Variants in GRID1 observed in about 807,000 individuals in gnomAD.
The protein encoded by GRID1 is glutamate receptor ionotropic, delta-1.
GRID1 carries 28 observed loss-of-function variants against 98.0 expected under a neutral mutation model. The ratio of observed to expected loss-of-function variants is 0.29; its 90% CI spans 0.21 to 0.39. The LOEUF (loss-of-function observed/expected upper bound fraction) is 0.39, where lower values mean the gene tolerates loss of function less well. Ranked by LOEUF, GRID1 falls within the 10% of genes least tolerant of loss-of-function variation. The probability of loss-of-function intolerance (pLI) is 1.00; values close to 1 mark genes in which losing one functional copy is unlikely to be tolerated. For synonymous variants in GRID1, 553 were observed against 538.5 expected, an observed-to-expected ratio of 1.03 and a Z score of -0.37; for missense variants, 1,111 against 1,340.5, an observed-to-expected ratio of 0.83 and a Z score of 2.67.
At chr10:86,215,204 C>A (rs1168566810) in intron 2 of GRID1, among the ~76,000 whole-genome samples, 2 of 152,276 alleles carry the variant, frequency 1.3e-5, no homozygotes, top group African/African-American at 4.8e-5. Context: ...TCTCTGGCCT[C>A]AAGCTCAGCC....
chr10:85,763,312 C>T (rs569878180), intron 8 of GRID1, among the ~76,000 whole-genome samples: 21 of 152,228 alleles, frequency 1.4e-4, no homozygotes, highest in Admixed American at 2.6e-4. Flanking sequence ...TTTTCTCTTA[C>T]GAGGAAGAGC....
chr10:85,845,170 T>C (rs1391836669), intron 8 of GRID1, among the ~76,000 whole-genome samples: 5 of 152,018 alleles, frequency 3.3e-5, no homozygotes, highest in Admixed American at 2.0e-4. Flanking sequence ...ATAGATGACA[T>C]GATTGTGTAT....
intron 8 of GRID1, among the ~76,000 whole-genome samples, chr10:85,734,193 G>C (rs528994286): frequency 6.6e-6 from 1 of 152,194 alleles, no homozygotes; most frequent in African/African-American, 2.4e-5. Context: ...GGCCAGCACA[G>C]CATCTCATAT....
intron 2 of GRID1, among the ~76,000 whole-genome samples, chr10:86,342,783 C>T (rs758234106): frequency 6.6e-6 from 1 of 152,258 alleles, no homozygotes; most frequent in African/African-American, 2.4e-5. Flanking sequence ...GTGGGCAAAC[C>T]CTGTGCGCTG....
intron 4 of GRID1, among the ~76,000 whole-genome samples, chr10:85,980,098 T>G (rs750688081): frequency 9.9e-5 from 15 of 152,238 alleles, no homozygotes; most frequent in Non-Finnish European, 1.8e-4. Context: ...GATTGGTTCC[T>G]GGAACGCTCT....
At chr10:86,021,909 T>A (rs61856022) in intron 4 of GRID1, among the ~76,000 whole-genome samples, 8,347 of 152,248 alleles carry the variant, frequency 0.055, 289 homozygotes, top group Middle Eastern at 0.088. Context: ...GAGGGTGAGC[T>A]GCAGCCTGGG....
chr10:85,612,180 T>G (rs1842739925), intron 15 of GRID1, among the ~76,000 whole-genome samples: 1 of 152,154 alleles, frequency 6.6e-6, no homozygotes, highest in Non-Finnish European at 1.5e-5. Context: ...TCCTCACCCC[T>G]GACCTGCCAG....
chr10:85,945,209 G>T (rs7089160), intron 4 of GRID1, among the ~76,000 whole-genome samples: 92,300 of 152,004 alleles, frequency 0.61, 28,200 homozygotes, highest in Middle Eastern at 0.73. Context: ...TATATAATAC[G>T]AAAAGATCCA....
intron 8 of GRID1, among the ~76,000 whole-genome samples, chr10:85,828,256 C>T (rs1842837267): frequency 6.6e-6 from 1 of 151,950 alleles, no homozygotes; most frequent in Non-Finnish European, 1.5e-5. Context: ...AAATATATAA[C>T]ATAGCAGACA....
chr10:86,335,954 AG>A (rs1222326998), intron 2 of GRID1, among the ~76,000 whole-genome samples: 1 of 152,224 alleles, frequency 6.6e-6, no homozygotes, highest in Non-Finnish European at 1.5e-5. Context: ...AAACCCTTAG[AG>A]GGGCCCTCTC....
intron 8 of GRID1, among the ~76,000 whole-genome samples, chr10:85,812,295 G>A (rs187741602): frequency 1.3e-5 from 2 of 151,552 alleles, no homozygotes; most frequent in East Asian, 1.9e-4. Flanking sequence ...AAAGGAGAAA[G>A]AGAAAAAAAA....
intron 4 of GRID1, among the ~76,000 whole-genome samples, chr10:86,010,522 G>A (rs7089658): frequency 0.76 from 115,989 of 152,102 alleles, 44,395 homozygotes; most frequent in South Asian, 0.86. Flanking sequence ...TCTGAATATG[G>A]AAAGGAAGTA....
intron 4 of GRID1, among the ~76,000 whole-genome samples, chr10:85,936,039 C>T (rs920714715): frequency 1.1e-4 from 17 of 152,188 alleles, no homozygotes; most frequent in African/African-American, 3.9e-4. Context: ...TCATCTGCAA[C>T]ACAGACACAT....
intron 12 of GRID1, among the ~76,000 whole-genome samples, chr10:85,708,283 A>T: frequency 6.6e-6 from 1 of 152,064 alleles, no homozygotes; most frequent in Non-Finnish European, 1.5e-5. Context: ...GGGCGCCTGT[A>T]GTCCTAGCTA....
At position 85,922,431 on chromosome 10, in the gene GRID1, T is replaced by C. The variant is rs188995104; in HGVS notation, c.727-6192A>G. ...CAAAGTGCAAATGCCACCAATTATTTATGTATGTGTTAATTGTTGACCACT... is the reference window on the plus strand; with the variant it reads ...CAAAGTGCAAATGCCACCAATTATTCATGTATGTGTTAATTGTTGACCACT... On this transcript the variant is annotated intron_variant, in intron 4 of 15. Transcript: ENST00000327946. 1.3e-4 allele frequency among the ~76,000 whole-genome samples: 20 copies of C among 152,336 alleles called. No homozygotes were observed. In the East Asian group the frequency reaches 3.7e-3, roughly 28 times the overall value.
At chr10:86,282,558 G>A (rs933735541) in intron 2 of GRID1, among the ~76,000 whole-genome samples, 6 of 152,204 alleles carry the variant, frequency 3.9e-5, no homozygotes, top group African/African-American at 1.4e-4. Flanking sequence ...AAAAGGGGCT[G>A]TACTGGAGCA....
intron 2 of GRID1, among the ~76,000 whole-genome samples, chr10:86,352,611 C>A (rs1848478410): frequency 6.6e-6 from 1 of 152,182 alleles, no homozygotes; most frequent in African/African-American, 2.4e-5. Flanking sequence ...GAGGGCCCCA[C>A]CCTTATGACC....
At chr10:86,203,667 C>G (rs756962318) in intron 3 of GRID1, among the ~76,000 whole-genome samples, 9 of 151,942 alleles carry the variant, frequency 5.9e-5, no homozygotes, top group South Asian at 4.2e-4. Context: ...TGGCCTCCAG[C>G]AAGCCGAGAG....
chr10:86,221,957 G>A (rs1277990620), intron 2 of GRID1, among the ~76,000 whole-genome samples: 6 of 152,076 alleles, frequency 3.9e-5, no homozygotes, highest in Non-Finnish European at 7.4e-5. Context: ...CAGGGGGTGG[G>A]AGGCAGCAGG....
Sources: gnomAD v4.1 joint callset for allele counts (sites outside exome capture counted in the v4.1 genomes callset) on GRCh38, gnomAD v4.1.1 for gene constraint, MANE v1.5 for transcripts, NCBI Gene and HGNC (gene_info 2026-07-23, HGNC 2026-07-21) for gene names.